GPHN: variants seen among roughly 807,000 people sequenced by gnomAD.
GPHN encodes gephyrin.
A neutral mutation model predicts 95.5 loss-of-function variants in GPHN; 17 were observed. The ratio of observed to expected loss-of-function variants is 0.18; its 90% confidence interval spans 0.12 to 0.27. The LOEUF is 0.27. Among genes scored for constraint, GPHN ranks in the 10% least tolerant of loss-of-function variants. GPHN has a pLI of 1.00. For missense variants in GPHN, 660 were observed against 978.1 expected, an observed-to-expected ratio of 0.67 and a Z score of 4.34; for synonymous variants, 320 against 322.5, an observed-to-expected ratio of 0.99 and a Z score of 0.08.
At chr14:66,522,629 T>A (rs893509294) in intron 1 of GPHN, among the ~76,000 whole-genome samples, 3 of 152,142 alleles carry the variant, frequency 2.0e-5, no homozygotes, top group Admixed American at 6.5e-5. Flanking sequence ...CTGCAGATGA[T>A]CTCTTGAAAA....
chr14:67,001,830 C>T (rs1218763768), intron 9 of GPHN, among the ~76,000 whole-genome samples: 2 of 151,734 alleles, frequency 1.3e-5, no homozygotes, highest in African/African-American at 4.8e-5. Flanking sequence ...CATGGATTTA[C>T]ACAGATTTGG....
At chr14:67,091,819 T>G (rs1846876983) in intron 12 of GPHN, among the ~76,000 whole-genome samples, 2 of 151,666 alleles carry the variant, frequency 1.3e-5, no homozygotes, top group Non-Finnish European at 2.9e-5. Flanking sequence ...ATCCTATTTA[T>G]GCTTTTGTTT....
chr14:67,283,571 T>C, the GPHN span, among the ~76,000 whole-genome samples: 1 of 152,214 alleles, frequency 6.6e-6, no homozygotes, highest in African/African-American at 2.4e-5. Flanking sequence ...TATTTCCAAA[T>C]AAATGTTATT....
chr14:67,340,363 C>T, the GPHN span: 1 of 1,253,612 alleles, frequency 8.0e-7, no homozygotes, highest in Non-Finnish European at 1.2e-6. Flanking sequence ...GAACATAAAC[C>T]AACAAGTCAT....
the GPHN span, among the ~76,000 whole-genome samples, chr14:67,222,273 A>G: frequency 3.3e-5 from 5 of 152,030 alleles, no homozygotes; most frequent in African/African-American, 1.2e-4. Context: ...AGGTGATACT[A>G]TTTAATGTTT....
the GPHN span, among the ~76,000 whole-genome samples, chr14:67,701,373 A>G: frequency 6.6e-6 from 1 of 151,472 alleles, no homozygotes; most frequent in African/African-American, 2.4e-5. Context: ...GATTATAGCC[A>G]ACTTAATCAC....
At chr14:67,469,865 C>A in the GPHN span, among the ~76,000 whole-genome samples, 1 of 152,154 alleles carries the variant, frequency 6.6e-6, no homozygotes, top group South Asian at 2.1e-4. Flanking sequence ...GTACCCTCAG[C>A]CACCCTGCTT....
intron 5 of GPHN, among the ~76,000 whole-genome samples, chr14:66,903,726 T>C (rs2065233437): frequency 6.6e-6 from 1 of 152,216 alleles, no homozygotes; most frequent in Non-Finnish European, 1.5e-5. Flanking sequence ...TCTCCCTTTT[T>C]TACTTTCTTC....
chr14:66,675,807 T>G (rs2066553600), intron 1 of GPHN, among the ~76,000 whole-genome samples: 1 of 152,156 alleles, frequency 6.6e-6, no homozygotes, highest in Non-Finnish European at 1.5e-5. Flanking sequence ...TGTACTTTCA[T>G]TCTTCTGCAT....
chr14:66,713,749 T>G (rs1047364035), intron 2 of GPHN, among the ~76,000 whole-genome samples: 1 of 152,110 alleles, frequency 6.6e-6, no homozygotes, highest in South Asian at 2.1e-4. Flanking sequence ...TTTGTTGTTT[T>G]TTTTTTATTT....
At chr14:66,807,084 C>A (rs1379895437) in intron 3 of GPHN, among the ~76,000 whole-genome samples, 1 of 152,148 alleles carries the variant, frequency 6.6e-6, no homozygotes, top group South Asian at 2.1e-4. Context: ...GGAGGCCTCA[C>A]AATCATGGTG....
chr14:67,299,942 A>G, the GPHN span, among the ~76,000 whole-genome samples: 1 of 152,216 alleles, frequency 6.6e-6, no homozygotes. Context: ...TACAAATTTC[A>G]TTTAAAATTA....
intron 8 of GPHN, among the ~76,000 whole-genome samples, chr14:66,957,120 TA>T (rs201535684): frequency 0.23 from 28,449 of 121,782 alleles, 3,351 homozygotes; most frequent in Non-Finnish European, 0.3. Flanking sequence ...ATAATAATAA[TA>T]AAAAAAAAAG....
chr14:67,585,147 GT>G, the GPHN span: 1 of 163,138 alleles, frequency 6.1e-6, no homozygotes, highest in African/African-American at 2.4e-5. Context: ...ATTGGCTGAA[GT>G]CAGAAGCACT....
At chr14:67,475,423 A>T in the GPHN span, among the ~76,000 whole-genome samples, 1 of 152,138 alleles carries the variant, frequency 6.6e-6, no homozygotes, top group African/African-American at 2.4e-5. Context: ...GAAATACTGG[A>T]TCATATGGTA....
chr14:66,562,746 T>G (rs2060315161), intron 1 of GPHN, among the ~76,000 whole-genome samples: 1 of 152,102 alleles, frequency 6.6e-6, no homozygotes, highest in African/African-American at 2.4e-5. Context: ...AGTAGATTCT[T>G]CTAGTGCTGT....
chr14:66,990,477 C>G (rs571808797), intron 9 of GPHN, among the ~76,000 whole-genome samples: 1 of 152,280 alleles, frequency 6.6e-6, no homozygotes, highest in Admixed American at 6.5e-5. Context: ...TTGGTCGCGT[C>G]TTCTACCCTT....
chr14:67,499,847 A>C, the GPHN span, among the ~76,000 whole-genome samples: 2 of 151,016 alleles, frequency 1.3e-5, no homozygotes, highest in African/African-American at 2.4e-5. Flanking sequence ...AAAGGGTTAA[A>C]AAAAAAAAGT....
At chr14:67,332,596 G>A in the GPHN span, among the ~76,000 whole-genome samples, 4 of 152,294 alleles carry the variant, frequency 2.6e-5, no homozygotes, top group Non-Finnish European at 4.4e-5. Flanking sequence ...AATATGAGTC[G>A]TGAAGATGCC....
Sources: allele counts gnomAD v4.1 joint callset (sites outside exome capture counted in the v4.1 genomes callset), GRCh38; gene constraint gnomAD v4.1.1; transcripts MANE v1.5; gene names NCBI Gene and HGNC (gene_info 2026-07-23, HGNC 2026-07-21).